The following CBFA2T2 variants were observed in gnomAD, a reference collection of about 807,000 sequenced individuals.
CBFA2T2 encodes the protein protein CBFA2T2.
In CBFA2T2, 11 loss-of-function variants were observed where a neutral mutation model predicts 62.2. The ratio of observed to expected loss-of-function variants is 0.18; its 90% CI spans 0.11 to 0.29. CBFA2T2 has a LOEUF of 0.29. Among genes scored for constraint, CBFA2T2 ranks in the 10% least tolerant of loss-of-function variants. CBFA2T2 has a pLI of 1.00. For synonymous variants in CBFA2T2, 295 were observed against 287.5 expected (o/e 1.03, Z -0.27); for missense variants, 592 against 774.1 (o/e 0.76, Z 2.79).
chr20:33,547,686 A>AAT (rs916871735), intron 1 of CBFA2T2, among the ~76,000 whole-genome samples: 6 of 107,088 alleles, frequency 5.6e-5, no homozygotes, highest in African/African-American at 2.2e-4. Flanking sequence ...GTCTCAAAAA[A>AAT]ATGTGTGTGT....
chr20:33,552,411 A>G (rs1028783643), intron 1 of CBFA2T2, among the ~76,000 whole-genome samples: 8 of 152,176 alleles, frequency 5.3e-5, no homozygotes, highest in African/African-American at 1.9e-4. Flanking sequence ...AGGGATTTAG[A>G]TAATTGGCTT....
intron 1 of CBFA2T2, among the ~76,000 whole-genome samples, chr20:33,521,991 G>GTATA (rs143007855): frequency 2.7e-5 from 4 of 150,886 alleles, no homozygotes; most frequent in Admixed American, 6.6e-5. Flanking sequence ...ATAAATAGTA[G>GTATA]TATATATATA....
At chr20:33,609,771 TA>T (rs369891365) in intron 2 of CBFA2T2, among the ~76,000 whole-genome samples, 179 of 152,306 alleles carry the variant, frequency 1.2e-3, no homozygotes, top group African/African-American at 4.1e-3. Context: ...TTATGATTAA[TA>T]AGTTGGTTTT....
In CBFA2T2 at chr20:33,648,083, G is replaced by A. The variant is rs1017788730; in HGVS notation, c.*3437G>A. 5.3e-5 allele frequency: 8 copies of A among 152,310 alleles called. No individual in the cohort carries two copies. Among genetic ancestry groups the A allele is most frequent in the African/African-American group, 1.9e-4 (8 of 41,470 alleles). 9.4% of individuals were successfully genotyped at this position (152,310 alleles called of 1,614,324 possible). A position where few individuals can be genotyped will look rare whatever the true frequency, so the allele number is the denominator to read the frequency against. On this transcript the variant is annotated 3_prime_UTR_variant, in exon 11 of 11. Coordinates refer to ENST00000342704, the MANE Select transcript of CBFA2T2 (RefSeq NM_001032999.3). ...GCGTGGTTCCCAGCCTCTGCTGACA[G>A]CACCTCAGCTACCAGGTGGGGAGTG...
chr20:33,537,897 A>C (rs1178428016), intron 1 of CBFA2T2, among the ~76,000 whole-genome samples: 1 of 151,992 alleles, frequency 6.6e-6, no homozygotes, highest in Non-Finnish European at 1.5e-5. Context: ...ACTTGAAGTG[A>C]GGCAGTTTTA....
At chr20:33,602,740 T>C (rs1181887152) in intron 1 of CBFA2T2, among the ~76,000 whole-genome samples, 1 of 152,206 alleles carries the variant, frequency 6.6e-6, no homozygotes, top group Non-Finnish European at 1.5e-5. Flanking sequence ...AACCTCAGCA[T>C]AGGAATTTTT....
chr20:33,611,452 A>G (rs796279313), intron 3 of CBFA2T2, 117 bp downstream of exon 3: 18 of 1,126,196 alleles, frequency 1.6e-5, no homozygotes, highest in Middle Eastern at 2.8e-4. Flanking sequence ...GGCAAATGCT[A>G]CAGACTAGAC....
intron 1 of CBFA2T2, among the ~76,000 whole-genome samples, chr20:33,588,263 G>C (rs1052517493): frequency 6.6e-6 from 1 of 151,790 alleles, no homozygotes; most frequent in African/African-American, 2.4e-5. Flanking sequence ...TTTTAACTTT[G>C]TTGAAGTGTT....
At chr20:33,644,285 G>A (rs2016969839) in intron 10 of CBFA2T2, 62 bp from the exon 11 acceptor site, 30 of 1,560,432 alleles carry the variant, frequency 1.9e-5, no homozygotes, top group Non-Finnish European at 2.5e-5. Context: ...ACTGTGCAGG[G>A]AATGAATGGC....
At chr20:33,580,366 A>G (rs948530320) in intron 1 of CBFA2T2, among the ~76,000 whole-genome samples, 6 of 152,198 alleles carry the variant, frequency 3.9e-5, no homozygotes, top group Non-Finnish European at 7.3e-5. Flanking sequence ...TGTTCTGGCC[A>G]CTGGACTTGG....
At chr20:33,574,165 A>G in intron 1 of CBFA2T2, 4 of 1,610,554 alleles carry the variant, frequency 2.5e-6, no homozygotes, top group Non-Finnish European at 1.7e-6. Context: ...GTGATGTTGC[A>G]TTCATCTTTT....
intron 9 of CBFA2T2, chr20:33,639,513 G>C (rs1218553870): frequency 1.3e-5 from 2 of 152,036 alleles, no homozygotes; most frequent in Non-Finnish European, 2.9e-5. Flanking sequence ...GGCGGAGCTT[G>C]CAGTGAGCAG....
intron 8 of CBFA2T2, among the ~76,000 whole-genome samples, chr20:33,636,417 T>G (rs1167998136): frequency 1.3e-5 from 2 of 152,198 alleles, no homozygotes; most frequent in African/African-American, 4.8e-5. Context: ...ATCTCACTAC[T>G]TTGAAATACT....
rs772439095 is a variant in CBFA2T2 at position 33,624,958 on chromosome 20, A to G, written c.887A>G (p.Tyr296Cys). Reference sequence around the variant, plus strand: ...GAGGATATTGCAACTTCTCACCTGTATCGGGAACCCAACAAGATGCTAGAG... The same window carrying G: ...GAGGATATTGCAACTTCTCACCTGTGTCGGGAACCCAACAAGATGCTAGAG... ...TLEDIATSHL[Y>C]REPNKMLEHR... Residue 296 changes from tyrosine (Y) to cysteine (C), a missense_variant, in exon 6 of 11, where the codon TAT becomes TGT. Physicochemically the swap from Tyr to Cys is radical, Grantham distance 194. Around this residue, in one of 3 missense-constraint regions of CBFA2T2, gnomAD observed 449 missense variants for 551.2 expected, o/e 0.81. Coordinates refer to ENST00000342704, the MANE Select transcript of CBFA2T2 (RefSeq NM_001032999.3). 14 of 1,614,042 alleles carry G rather than the reference A, an allele frequency of 8.7e-6. No homozygotes were observed. The highest frequency in any genetic ancestry group is 1.7e-5 in the Admixed American group (1 of 59,998).
chr20:33,561,470 C>T (rs2013088016), intron 1 of CBFA2T2, among the ~76,000 whole-genome samples: 1 of 152,184 alleles, frequency 6.6e-6, no homozygotes, highest in Non-Finnish European at 1.5e-5. Context: ...GGACCCTTCA[C>T]TCAATTTGCC....
intron 1 of CBFA2T2, among the ~76,000 whole-genome samples, chr20:33,510,032 C>G (rs1170008647): frequency 1.3e-5 from 2 of 151,906 alleles, no homozygotes; most frequent in Admixed American, 1.3e-4. Flanking sequence ...CAAGTGTTCT[C>G]ATTGTTCAAT....
intron 1 of CBFA2T2, among the ~76,000 whole-genome samples, chr20:33,493,534 T>G (rs530007836): frequency 2.0e-5 from 3 of 152,324 alleles, no homozygotes; most frequent in African/African-American, 7.2e-5. Context: ...GGTGGGGTCT[T>G]GCTCTGTTGC....
chr20:33,511,030 TA>T (rs759560676), intron 1 of CBFA2T2, among the ~76,000 whole-genome samples: 25 of 152,230 alleles, frequency 1.6e-4, no homozygotes, highest in Non-Finnish European at 2.8e-4. Flanking sequence ...AGATTCTGGA[TA>T]TTAACCCTTT....
chr20:33,600,600 G>A, intron 1 of CBFA2T2: 1 of 285,744 alleles, frequency 3.5e-6, no homozygotes, highest in Non-Finnish European at 7.1e-6. Flanking sequence ...TCCTTCAGCT[G>A]TGATACCACC....
Sources: gnomAD v4.1 joint callset for allele counts (sites outside exome capture counted in the v4.1 genomes callset) on GRCh38, gnomAD v4.1.1 for gene constraint, gnomAD v4.1.1 regional missense constraint, MANE v1.5 for transcripts, NCBI Gene and HGNC (gene_info 2026-07-23, HGNC 2026-07-21) for gene names.